The following MAP3K2 variants were observed in gnomAD, a reference collection of about 807,000 sequenced individuals.
MAP3K2 encodes the protein MAP/ERK kinase kinase 2.
In MAP3K2, 24 loss-of-function variants were observed where a neutral mutation model predicts 80.3. The observed-to-expected ratio is 0.30, with a 90% CI of 0.22 to 0.42. The LOEUF is 0.42. MAP3K2 is among the 10% of genes least tolerant of loss of function. The probability of loss-of-function intolerance (pLI) is 1.00; values close to 1 mark genes in which losing one functional copy is unlikely to be tolerated. For missense variants in MAP3K2, 608 were observed against 750.1 expected (o/e 0.81, Z 2.21); for synonymous variants, 244 against 253.7 (o/e 0.96, Z 0.36).
At chr2:127,379,075 G>C (rs1312689036) in intron 1 of MAP3K2, among the ~76,000 whole-genome samples, 1 of 146,742 alleles carries the variant, frequency 6.8e-6, no homozygotes, top group East Asian at 2.0e-4. Flanking sequence ...ACCCACCTTG[G>C]CCTCCCAAAG....
At chr2:127,327,688 G>A (rs1686172094) in intron 7 of MAP3K2, among the ~76,000 whole-genome samples, 1 of 152,002 alleles carries the variant, frequency 6.6e-6, no homozygotes, top group African/African-American at 2.4e-5. Flanking sequence ...TAACCTAAAG[G>A]AGTTTTTCCT....
chr2:127,385,111 A>G (rs1162167596), intron 1 of MAP3K2, among the ~76,000 whole-genome samples: 1 of 152,092 alleles, frequency 6.6e-6, no homozygotes, highest in Non-Finnish European at 1.5e-5. Flanking sequence ...ACTGACTCCA[A>G]TTTTGAAAAA....
intron 2 of MAP3K2, among the ~76,000 whole-genome samples, chr2:127,340,561 G>T (rs1300579573): frequency 6.6e-6 from 1 of 151,978 alleles, no homozygotes; most frequent in Non-Finnish European, 1.5e-5. Flanking sequence ...GGAGGCTAAG[G>T]CAGGAGAATC....
chr2:127,356,953 AG>A (rs1686808182), intron 1 of MAP3K2, among the ~76,000 whole-genome samples: 1 of 152,196 alleles, frequency 6.6e-6, no homozygotes, highest in Non-Finnish European at 1.5e-5. Flanking sequence ...ACAGAGTGGG[AG>A]AAAATATTTG....
chr2:127,333,665 C>A (rs890778378), intron 5 of MAP3K2, among the ~76,000 whole-genome samples: 2 of 152,158 alleles, frequency 1.3e-5, no homozygotes, highest in African/African-American at 2.4e-5. Flanking sequence ...TATCCTAATG[C>A]CACCCCTACC....
chr2:127,352,209 C>T (rs192499531), intron 1 of MAP3K2, among the ~76,000 whole-genome samples: 1 of 152,136 alleles, frequency 6.6e-6, no homozygotes, highest in African/African-American at 2.4e-5. Flanking sequence ...TATTCTACTA[C>T]AGTAAAGGTT....
chr2:127,359,105 T>C (rs1358439567), intron 1 of MAP3K2, among the ~76,000 whole-genome samples: 2 of 152,140 alleles, frequency 1.3e-5, no homozygotes, highest in African/African-American at 2.4e-5. Flanking sequence ...TGTATGATAT[T>C]GTAATAGCAG....
At chr2:127,355,533 A>G (rs186246337) in intron 1 of MAP3K2, among the ~76,000 whole-genome samples, 8 of 152,180 alleles carry the variant, frequency 5.3e-5, no homozygotes, top group African/African-American at 1.7e-4. Context: ...TGCCTTAATT[A>G]AAAATTATTT....
At chr2:127,329,874 G>A (rs1202181925) in intron 7 of MAP3K2, 47 bp downstream of exon 7, 4 of 1,079,862 alleles carry the variant, frequency 3.7e-6, no homozygotes, top group East Asian at 2.4e-5. Flanking sequence ...GGATGGAGAA[G>A]AAATTGAGAA....
rs759164179 is a variant in MAP3K2 at position 127,308,686 on chromosome 2, G to C, written c.1533C>G (p.Ile511Met). The change falls in exon 16 of 17, where the codon ATC becomes ATG. Residue 511 changes from isoleucine (I) to methionine (M), a missense_variant. Ile to Met is a conservative substitution (Grantham distance 10). Around this residue, in one of 4 missense-constraint regions of MAP3K2, gnomAD observed 88 missense variants for 132.4 expected, o/e 0.66. Transcript: ENST00000682094. The part of the protein sequence containing the change: ...DFGASKRLQT[I>M]CLSGTGMKSV... ...ACTTCATTCCTGTCCCTGAGAGACA[G>C]ATGGTCTGAAGCCGTTTGCTGGCCC... The C allele has an allele frequency of 6.2e-7, 1 of 1,613,864 alleles. No homozygotes were observed. Among genetic ancestry groups the C allele is most frequent in the Non-Finnish European group, 8.5e-7 (1 of 1,179,872 alleles).
At chr2:127,313,568 G>A (rs550716664) in intron 15 of MAP3K2, among the ~76,000 whole-genome samples, 70 of 152,244 alleles carry the variant, frequency 4.6e-4, no homozygotes, top group African/African-American at 1.6e-3. Flanking sequence ...CTGGGAGCTC[G>A]TAAGAGTCCC....
chr2:127,362,447 G>A (rs953652711), intron 1 of MAP3K2, among the ~76,000 whole-genome samples: 6 of 152,186 alleles, frequency 3.9e-5, no homozygotes, highest in Non-Finnish European at 7.4e-5. Flanking sequence ...ACCCCACTTA[G>A]TTCTCAATAC....
chr2:127,384,300 G>A (rs773640441), intron 1 of MAP3K2, among the ~76,000 whole-genome samples: 2 of 150,584 alleles, frequency 1.3e-5, no homozygotes, highest in African/African-American at 2.5e-5. Context: ...AACTTTATAC[G>A]CACTGTGAAA....
At chr2:127,358,037 G>A (rs989238243) in intron 1 of MAP3K2, among the ~76,000 whole-genome samples, 12 of 151,566 alleles carry the variant, frequency 7.9e-5, no homozygotes, top group African/African-American at 2.7e-4. Context: ...AAAAACACAA[G>A]CCACAGACTA....
Position 127,318,291 on chromosome 2 carries a change from A to G in MAP3K2, c.1072T>C (p.Leu358=), listed in dbSNP as rs778629472. Residue 358 remains leucine (L), a synonymous_variant, in exon 13 of 17, where the codon TTG becomes CTG. Transcript: ENST00000682094. The part of the protein sequence containing the change: ...RSPRAPTNWR[L]GKLLGQGAFG... ...GCTCCTTGGCCAAGCAGTTTGCCCA[A>G]TCTCCAGTTGGTCGGAGCTCGAGGT... is the stretch of plus-strand genomic sequence containing the variant. 2 of 1,602,514 alleles carry G rather than the reference A, an allele frequency of 1.2e-6. No individual in the cohort carries two copies. Among genetic ancestry groups the G allele is most frequent in the Non-Finnish European group, 8.5e-7 (1 of 1,175,824 alleles).
At chr2:127,370,230 G>T (rs563489387) in intron 1 of MAP3K2, among the ~76,000 whole-genome samples, 37 of 152,274 alleles carry the variant, frequency 2.4e-4, no homozygotes, top group Admixed American at 9.2e-4. Context: ...GGCTTGTCAG[G>T]GCCTCAGCCG....
chr2:127,386,827 C>T (rs1687359577), intron 1 of MAP3K2, among the ~76,000 whole-genome samples: 1 of 152,118 alleles, frequency 6.6e-6, no homozygotes, highest in Non-Finnish European at 1.5e-5. Context: ...TTTTGCAAGA[C>T]GAGAAATACA....
In MAP3K2 at chr2:127,338,795, A is replaced by G. The variant is rs1407167745; in HGVS notation, c.123+137T>C. The stretch of plus-strand genomic sequence containing the variant: ...TGTTAATAGATGAACACACACTCTT[A>G]CACGAAAATGTGTAACAAACACTAA... On this transcript the variant is annotated intron_variant, in intron 3 of 16. Coordinates refer to ENST00000682094, the MANE Select transcript of MAP3K2 (RefSeq NM_001371910.2). 4 of 630,694 alleles carry G rather than the reference A, an allele frequency of 6.3e-6. No homozygotes were observed. In the South Asian group the frequency reaches 8.7e-5, roughly 14 times the overall value. 39.1% of individuals were successfully genotyped at this position (630,694 alleles called of 1,614,324 possible). A position where few individuals can be genotyped will look rare whatever the true frequency, so the allele number is the denominator to read the frequency against.
At chr2:127,326,870 T>G in intron 7 of MAP3K2, 53 bp from the exon 8 acceptor site, 1 of 1,213,552 alleles carries the variant, frequency 8.2e-7, no homozygotes, top group Non-Finnish European at 1.1e-6. Flanking sequence ...GAATCAAGTT[T>G]TGTTTTAAAT....
Sources: allele counts gnomAD v4.1 joint callset (sites outside exome capture counted in the v4.1 genomes callset), GRCh38; gene constraint gnomAD v4.1.1; regional missense constraint gnomAD v4.1.1; transcripts MANE v1.5; gene names NCBI Gene and HGNC (gene_info 2026-07-23, HGNC 2026-07-21).